The following ADCY4 variants were observed in gnomAD, a reference collection of about 807,000 sequenced individuals.
ADCY4 encodes the protein adenylate cyclase type 4.
ADCY4 carries 111 observed loss-of-function variants against 125.5 expected under a neutral mutation model. That is an observed-to-expected ratio of 0.88 (90% CI 0.76 to 1.04). The LOEUF (loss-of-function observed/expected upper bound fraction) is 1.04, where lower values mean the gene tolerates loss of function less well. ADCY4 is among the 50% of genes least tolerant of loss of function. The pLI is 0.00. For synonymous variants in ADCY4, 576 were observed against 586.9 expected (o/e 0.98, Z 0.27); for missense variants, 1,256 against 1,382.9 (o/e 0.91, Z 1.46).
Position 24,334,944 on chromosome 14 carries a change from G to T in ADCY4, c.-292C>A. ...GCCAGGAGGGCAGGATTTGGGGTTGGTGCGAGGGAGCCCCGGGTTCCCCTG... is the reference window on the plus strand; with the variant it reads ...GCCAGGAGGGCAGGATTTGGGGTTGTTGCGAGGGAGCCCCGGGTTCCCCTG... On this transcript the variant is annotated 5_prime_UTR_variant, in exon 1 of 25. Coordinates refer to ENST00000418030, the MANE Select transcript of ADCY4 (RefSeq NM_001198568.2). 3.1e-6 allele frequency: 1 copy of T among 317,992 alleles called. No homozygotes were observed. Among genetic ancestry groups the T allele is most frequent in the Non-Finnish European group, 5.8e-6 (1 of 173,444 alleles). 19.7% of individuals were successfully genotyped at this position (317,992 alleles called of 1,614,324 possible). A position where few individuals can be genotyped will look rare whatever the true frequency, so the allele number is the denominator to read the frequency against.
In ADCY4 at chr14:24,326,157, G is replaced by A. The variant is rs1174487676; in HGVS notation, c.1577C>T (p.Thr526Ile). The change falls in exon 12 of 25, where the codon ACC becomes ATC. Residue 526 changes from threonine (T) to isoleucine (I), a missense_variant. Transcript: ENST00000418030. ...STQWSLDRSR[T>I]PRGLDDELDT... ...CAGTTCATCATCTAGTCCCCGGGGG[G>A]TACGGCTCCTGCACAGTGAGAGCCA... 2 of 1,598,024 alleles carry A rather than the reference G, an allele frequency of 1.3e-6. No individual in the cohort carries two copies. Among genetic ancestry groups the A allele is most frequent in the South Asian group, 2.2e-5 (2 of 89,850 alleles).
chr14:24,332,614 C>G lies in ADCY4; in HGVS notation c.427G>C (p.Val143Leu), dbSNP rs377164419. ...MLPLGMRDAA[V>L]AGLASSLSHL... The stretch of plus-strand genomic sequence containing the variant: ...GAGAGTGAGGAGGCGAGGCCCGCGA[C>G]GGCGGCGTCCCGCATGCCCAAGGGC... Residue 143 changes from valine to leucine, a missense_variant, in exon 3 of 25, where the codon GTC becomes CTC. Val to Leu is a conservative substitution (Grantham distance 32). Transcript: ENST00000418030. The G allele has an allele frequency of 6.3e-7, 1 of 1,580,808 alleles. No individual in the cohort carries two copies. The highest frequency in any genetic ancestry group is 8.6e-7 in the Non-Finnish European group (1 of 1,163,408).
chr14:24,332,234 A>C, intron 3 of ADCY4: 1 of 458,498 alleles, frequency 2.2e-6, no homozygotes, highest in Non-Finnish European at 3.7e-6. Context: ...CCATCGCACA[A>C]AACTTTTTTT....
chr14:24,329,489 GC>G lies in ADCY4; in HGVS notation c.1261del (p.Ala421LeufsTer19). 6.4e-7 allele frequency: 1 copy of G among 1,568,930 alleles called. No homozygotes were observed. Among genetic ancestry groups the G allele is most frequent in the Non-Finnish European group, 8.6e-7 (1 of 1,160,730 alleles). On this transcript the variant is annotated frameshift_variant, in exon 9 of 25. Coordinates refer to ENST00000418030, the MANE Select transcript of ADCY4 (RefSeq NM_001198568.2). LOFTEE classifies it high-confidence loss of function. Reference sequence around the variant, plus strand: ...CATGCCTGCGTCCTCCACAGCATAAGCCCCTGCCAGCAGGGCCAGGGTAGCC... The same window carrying G: ...CATGCCTGCGTCCTCCACAGCATAAGCCCTGCCAGCAGGGCCAGGGTAGCC... ...TGATLALLAG[A>X]YAVEDAGMEH... is the part of the protein sequence containing the mutation.
chr14:24,326,614 T>TGTGA (rs1555316735), intron 10 of ADCY4: 86 of 379,178 alleles, frequency 2.3e-4, no homozygotes, highest in South Asian at 5.7e-4. Context: ...TGTGTGTGTG[T>TGTGA]GACTGAATCT....
rs563549018 is a variant in ADCY4, at chr14:24,326,836, C to T, written c.1525-494G>A. Among the ~76,000 whole-genome samples the T allele has an allele frequency of 7.9e-5, 12 of 150,992 alleles. 1 individual carries two copies. The highest frequency in any genetic ancestry group is 5.8e-4 in the East Asian group (3 of 5,144). On this transcript the variant is annotated intron_variant, in intron 10 of 24. Coordinates refer to ENST00000418030, the MANE Select transcript of ADCY4 (RefSeq NM_001198568.2). ...CTCAAACTGCTGACCTTAGGTGATC[C>T]GCCTGCCTCGGCTTCTCAAAGTGCT...
At position 24,323,108 on chromosome 14, in the gene ADCY4, T is replaced by G. The variant is rs760274122; in HGVS notation, c.2158-20A>C. 6.2e-7 allele frequency: 1 copy of G among 1,611,816 alleles called. No homozygotes were observed. On this transcript the variant is annotated intron_variant, in intron 17 of 24. Coordinates refer to ENST00000418030, the MANE Select transcript of ADCY4 (RefSeq NM_001198568.2). ...GGAGTACTGTGGGGCCAGGCAGGGG[T>G]CAGGAGTGGGCATGTCCCATAGGCA... is the stretch of plus-strand genomic sequence containing the variant.
chr14:24,322,425 A>G lies in ADCY4; in HGVS notation c.2427+199T>C, dbSNP rs563065416. The G allele has an allele frequency of 5.7e-5, 49 of 856,598 alleles. No homozygotes were observed. The South Asian group carries it at 8.9e-4, about 16-fold the overall frequency. 53.1% of individuals were successfully genotyped at this position (856,598 alleles called of 1,614,324 possible). ...ACTAGGGATAGAGAATTGGCAGCAGACTTTTTCTAAAGCATGGGCTTTCCC... is the reference window on the plus strand; with the variant it reads ...ACTAGGGATAGAGAATTGGCAGCAGGCTTTTTCTAAAGCATGGGCTTTCCC... On this transcript the variant is annotated intron_variant, in intron 19 of 24. Transcript: ENST00000418030.
At position 24,319,471 on chromosome 14, in the gene ADCY4, CT is replaced by C; in HGVS notation, c.2734-36del. 1 of 1,597,038 alleles carries C rather than the reference CT, an allele frequency of 6.3e-7. No individual in the cohort carries two copies. Among genetic ancestry groups the C allele is most frequent in the East Asian group, 2.2e-5 (1 of 44,790 alleles). ...GAGAAGAGTCCTGTCCCCAGTCTCTCTTACTCTCTCCATCACCTCTCCCAGA... is the reference window on the plus strand; with the variant it reads ...GAGAAGAGTCCTGTCCCCAGTCTCTCTACTCTCTCCATCACCTCTCCCAGA... On this transcript the variant is annotated intron_variant, in intron 21 of 24. Transcript: ENST00000418030. This position sits in a 1 kb window ranked among gnomAD's most constrained non-coding sequence, Gnocchi z 4.5.
At position 24,331,120 on chromosome 14, in the gene ADCY4, A is replaced by G. The variant is rs201090955; in HGVS notation, c.828T>C (p.Tyr276=). ...GCCGCGTGAAGCCCACGATGTCAGCATACAGCACGCTGCATAGGGCAGACT... is the reference window on the plus strand; with the variant it reads ...GCCGCGTGAAGCCCACGATGTCAGCGTACAGCACGCTGCATAGGGCAGACT... ...VKRHQGVSVL[Y]ADIVGFTRLA... is the part of the protein sequence containing the mutation. The change falls in exon 6 of 25, where the codon TAT becomes TAC. Residue 276 remains tyrosine (Y), a synonymous_variant. Transcript: ENST00000418030. 3.0e-5 allele frequency: 48 copies of G among 1,613,318 alleles called. 1 individual carries two copies. The East Asian group carries it at 1.0e-3, about 35-fold the overall frequency.
At position 24,331,813 on chromosome 14, in the gene ADCY4, C is replaced by T. The variant is rs2042045588; in HGVS notation, c.644G>A (p.Arg215Gln). Residue 215 changes from arginine to glutamine, a missense_variant, in exon 4 of 25, where the codon CGG becomes CAG. By Grantham distance (43) the Arg-to-Gln change is conservative. Transcript: ENST00000418030. ...EALSSLHSRRRLDTEKKHQEH... is the reference protein window; with the variant it reads ...EALSSLHSRRQLDTEKKHQEH... ...CTGGTGCTTCTTCTCGGTGTCCAGC[C>T]GCCGGCGTGAGTGCAGGGAGCTGAG... The T allele has an allele frequency of 5.0e-6, 8 of 1,592,716 alleles. No individual in the cohort carries two copies. Among genetic ancestry groups the T allele is most frequent in the African/African-American group, 2.7e-5 (2 of 74,276 alleles).
At position 24,331,110 on chromosome 14, in the gene ADCY4, C is replaced by T. The variant is rs2042033740; in HGVS notation, c.838G>A (p.Val280Met). 6.2e-7 allele frequency: 1 copy of T among 1,613,282 alleles called. No individual in the cohort carries two copies. Among genetic ancestry groups the T allele is most frequent in the Non-Finnish European group, 8.5e-7 (1 of 1,179,356 alleles). Residue 280 changes from valine (V) to methionine (M), a missense_variant, in exon 6 of 25, where the codon GTG becomes ATG. Val to Met is a conservative substitution (Grantham distance 21, BLOSUM62 1). Coordinates refer to ENST00000418030, the MANE Select transcript of ADCY4 (RefSeq NM_001198568.2). The stretch of plus-strand genomic sequence containing the variant: ...TCGCTGGCCAGCCGCGTGAAGCCCA[C>T]GATGTCAGCATACAGCACGCTGCAT... ...QGVSVLYADI[V>M]GFTRLASECS...
rs533721530 is a variant in ADCY4 at position 24,330,475 on chromosome 14, A to G, written c.931-180T>C. ...ATGGGGCTAACTGTCTTTCATACAG[A>G]TCTCTTTCTCAGAAGAGTTTCCCCA... is the stretch of plus-strand genomic sequence containing the variant. On this transcript the variant is annotated intron_variant, in intron 6 of 24. Transcript: ENST00000418030. 8 of 809,272 alleles carry G rather than the reference A, an allele frequency of 9.9e-6. No individual in the cohort carries two copies. The African/African-American group carries it at 1.4e-4, about 14-fold the overall frequency. The allele number at this position is 809,272 out of a possible 1,614,324, so 50.1% of individuals were successfully genotyped here.
rs764967146 is a variant in ADCY4, at chr14:24,332,524, G to A, written c.517C>T (p.Gln173Ter). 1.3e-6 allele frequency: 2 copies of A among 1,563,920 alleles called. No individual in the cohort carries two copies. The highest frequency in any genetic ancestry group is 1.7e-6 in the Non-Finnish European group (2 of 1,154,228). ...QPDSRPALLP[Q>*]LAANAVLFLC... The stretch of plus-strand genomic sequence containing the variant: ...GCCTGTGCTACTTGCGTGCTCACCT[G>A]CGGCAGCAGTGCAGGCCGTGAGTCC... Residue 173 changes from glutamine to a stop codon, truncating the protein, a stop_gained and splice_region_variant, in exon 3 of 25, where the codon CAG becomes TAG. Coordinates refer to ENST00000418030, the MANE Select transcript of ADCY4 (RefSeq NM_001198568.2). LOFTEE classifies it high-confidence loss of function.
Position 24,324,346 on chromosome 14 carries a change from G to A in ADCY4, c.1869C>T (p.Phe623=), listed in dbSNP as rs767439280. 6.2e-7 allele frequency: 1 copy of A among 1,614,242 alleles called. No homozygotes were observed. The highest frequency in any genetic ancestry group is 1.7e-5 in the Admixed American group (1 of 60,034). ...AITYSITFLL[F]LLILFVCFSE... is the part of the protein sequence containing the mutation. ...AGAAGCAGACAAAAAGGATGAGGAG[G>A]AAGAGGAGGAAGGTGATGCTATACG... is the stretch of plus-strand genomic sequence containing the variant. The change falls in exon 15 of 25, where the codon TTC becomes TTT. Residue 623 remains phenylalanine, a synonymous_variant. Coordinates refer to ENST00000418030, the MANE Select transcript of ADCY4 (RefSeq NM_001198568.2).
chr14:24,332,951 A>C lies in ADCY4; in HGVS notation c.197T>G (p.Leu66Arg). ...TSDPSFLTTVLCALGGFSLLL... is the reference protein window; with the variant it reads ...TSDPSFLTTVRCALGGFSLLL... ...CAGCGAGAAGCCGCCCAGCGCGCACAGCACAGTGGTCAGGAAGCTCGGGTC... is the reference window on the plus strand; with the variant it reads ...CAGCGAGAAGCCGCCCAGCGCGCACCGCACAGTGGTCAGGAAGCTCGGGTC... Residue 66 changes from leucine to arginine, a missense_variant, in exon 2 of 25, where the codon CTG becomes CGG. Physicochemically the swap from Leu to Arg is moderately radical, Grantham distance 102 (BLOSUM62 -2). Coordinates refer to ENST00000418030, the MANE Select transcript of ADCY4 (RefSeq NM_001198568.2). 1 of 1,573,548 alleles carries C rather than the reference A, an allele frequency of 6.4e-7. No individual in the cohort carries two copies. Among genetic ancestry groups the C allele is most frequent in the Non-Finnish European group, 8.6e-7 (1 of 1,156,624 alleles).
Position 24,319,216 on chromosome 14 carries a change from G to C in ADCY4, c.2842-4C>G. The stretch of plus-strand genomic sequence containing the variant: ...GGCTGCAGCTCCGTTCAGCATCCTG[G>C]CAATGGGCCCGCCCACCAGGGTGGG... On this transcript the variant is annotated splice_polypyrimidine_tract_variant and splice_region_variant and intron_variant, in intron 22 of 24. Transcript: ENST00000418030. The surrounding 1 kb of genome is among the most constrained non-coding windows in gnomAD (Gnocchi z 4.5). 6.2e-7 allele frequency: 1 copy of C among 1,614,134 alleles called. No individual in the cohort carries two copies. Among genetic ancestry groups the C allele is most frequent in the South Asian group, 1.1e-5 (1 of 91,082 alleles).
In ADCY4 at chr14:24,329,223, C is replaced by A; in HGVS notation, c.1362G>T (p.Glu454Asp). The A allele has an allele frequency of 2.5e-6, 4 of 1,613,678 alleles. No individual in the cohort carries two copies. Among genetic ancestry groups the A allele is most frequent in the Non-Finnish European group, 3.4e-6 (4 of 1,179,768 alleles). ...YLVIDPRAEE[E>D]DEKGTAGGLL... ...AGCCTCCTGCAGTGCCCTTCTCATCCTCCTCCTCTGCCTGGGGCACATAAG... is the reference window on the plus strand; with the variant it reads ...AGCCTCCTGCAGTGCCCTTCTCATCATCCTCCTCTGCCTGGGGCACATAAG... The change falls in exon 10 of 25, where the codon GAG becomes GAT. Residue 454 changes from glutamate (E) to aspartate (D), a missense_variant. Glu to Asp is a conservative substitution (Grantham distance 45, BLOSUM62 2). Coordinates refer to ENST00000418030, the MANE Select transcript of ADCY4 (RefSeq NM_001198568.2).
In ADCY4 at chr14:24,334,482, G is replaced by A; in HGVS notation, c.159+12C>T. ...CAGGTAGAGACCCTCCCGCAGCAGA[G>A]GCTCGGCTCACCCTGCCGCTGGCCC... is the stretch of plus-strand genomic sequence containing the variant. On this transcript the variant is annotated intron_variant, in intron 1 of 24. Coordinates refer to ENST00000418030, the MANE Select transcript of ADCY4 (RefSeq NM_001198568.2). 6.4e-7 allele frequency: 1 copy of A among 1,574,516 alleles called. No homozygotes were observed. The highest frequency in any genetic ancestry group is 8.6e-7 in the Non-Finnish European group (1 of 1,166,790).
Sources: allele counts gnomAD v4.1 joint callset (sites outside exome capture counted in the v4.1 genomes callset), GRCh38; gene constraint gnomAD v4.1.1; non-coding constraint Gnocchi (gnomAD v3.1); transcripts MANE v1.5; gene names NCBI Gene and HGNC (gene_info 2026-07-23, HGNC 2026-07-21).